Variants in CNKSR2 observed in about 807,000 individuals in gnomAD.
The protein encoded by CNKSR2 is CNK homolog protein 2.
Under a neutral mutation model 84.4 loss-of-function variants are expected in CNKSR2, and 14 were observed. The ratio of observed to expected loss-of-function variants is 0.17; its 90% CI spans 0.11 to 0.26. The LOEUF (loss-of-function observed/expected upper bound fraction) is 0.26, where lower values mean the gene tolerates loss of function less well. CNKSR2 is among the 10% of genes least tolerant of loss of function. The pLI is 1.00. For missense variants in CNKSR2, 485 were observed against 771.2 expected, an observed-to-expected ratio of 0.63 and a Z score of 4.40; for synonymous variants, 275 against 277.9, an observed-to-expected ratio of 0.99 and a Z score of 0.10.
chrX:21,525,381 A>G (rs1226655069), intron 9 of CNKSR2, among the ~76,000 whole-genome samples: 2 of 111,195 alleles, frequency 1.8e-5, no homozygotes, highest in Non-Finnish European at 3.8e-5. Flanking sequence ...ATAGCTTACA[A>G]TTCTTCAATT....
At chrX:21,565,173 TA>T (rs1273721070) in intron 13 of CNKSR2, among the ~76,000 whole-genome samples, 1 of 111,474 alleles carries the variant, frequency 9.0e-6, no homozygotes, top group Non-Finnish European at 1.9e-5. Context: ...TACAAATTAT[TA>T]AAAGTTTGGA....
intron 13 of CNKSR2, among the ~76,000 whole-genome samples, chrX:21,578,626 A>C (rs2092335046): frequency 9.3e-6 from 1 of 107,040 alleles, no homozygotes; most frequent in African/African-American, 3.4e-5. Context: ...CATACTAGCT[A>C]TTCTTAACTC....
At chrX:21,523,832 AT>A (rs2091808671) in intron 9 of CNKSR2, among the ~76,000 whole-genome samples, 1 of 110,218 alleles carries the variant, frequency 9.1e-6, no homozygotes, top group Non-Finnish European at 1.9e-5. Context: ...ATTTAGTCAA[AT>A]TTTTCTTGTC....
chrX:21,647,779 A>G (rs754824973), intron 20 of CNKSR2, among the ~76,000 whole-genome samples: 1 of 111,969 alleles, frequency 8.9e-6, no homozygotes, highest in Admixed American at 9.5e-5. Flanking sequence ...CAGAAAGCCT[A>G]AAATATTCAC....
chrX:21,603,400 A>G (rs185024274), intron 18 of CNKSR2, among the ~76,000 whole-genome samples: 14 of 112,180 alleles, frequency 1.2e-4, no homozygotes, highest in Admixed American at 1.2e-3. Context: ...GAGTAGAGTT[A>G]TATCTTCTGA....
intron 5 of CNKSR2, among the ~76,000 whole-genome samples, chrX:21,473,671 C>A (rs1171322234): frequency 5.7e-5 from 6 of 104,424 alleles, no homozygotes; most frequent in Non-Finnish European, 1.2e-4. Flanking sequence ...GCTTTATAAT[C>A]TGGTAGTTCT....
intron 1 of CNKSR2, among the ~76,000 whole-genome samples, chrX:21,392,937 T>C (rs1010707556): frequency 4.5e-5 from 5 of 111,426 alleles, no homozygotes; most frequent in Admixed American, 1.9e-4. Context: ...TGTGCCTTTC[T>C]GATTAAGATC....
intron 5 of CNKSR2, among the ~76,000 whole-genome samples, chrX:21,478,809 C>T (rs2091285461): frequency 9.0e-6 from 1 of 111,712 alleles, no homozygotes; most frequent in Non-Finnish European, 1.9e-5. Flanking sequence ...TCTTAGATGA[C>T]AAATTCACAA....
intron 1 of CNKSR2, among the ~76,000 whole-genome samples, chrX:21,421,106 C>A (rs182413612): frequency 8.1e-5 from 9 of 111,112 alleles, no homozygotes; most frequent in Admixed American, 1.9e-4. Flanking sequence ...GGTTTAAATG[C>A]TCCCTCTGTG....
At position 21,470,762 on chromosome X, in the gene CNKSR2, TC is replaced by T; in HGVS notation, c.520-3del. The T allele has an allele frequency of 1.0e-6, 1 of 974,933 alleles. No homozygotes were observed. The highest frequency in any genetic ancestry group is 1.4e-6 in the Non-Finnish European group (1 of 714,790). 80.3% of individuals were successfully genotyped at this position (974,933 alleles called of 1,213,427 possible). A position where few individuals can be genotyped will look rare whatever the true frequency, so the allele number is the denominator to read the frequency against. The stretch of plus-strand genomic sequence containing the variant: ...ATCTAATGTATATGGTTCTTTTTTT[TC>T]AGGATTGTACTGTATATGAAACAGA... On this transcript the variant is annotated splice_region_variant and splice_polypyrimidine_tract_variant and intron_variant, in intron 4 of 21. Coordinates refer to ENST00000379510, the MANE Select transcript of CNKSR2 (RefSeq NM_014927.5).
At chrX:21,490,719 G>A (rs771934128) in intron 6 of CNKSR2, 141 bp downstream of exon 6, 3 of 543,687 alleles carry the variant, frequency 5.5e-6, no homozygotes, top group Non-Finnish European at 7.8e-6. Flanking sequence ...AGGAGTTATG[G>A]TAGTGGAAGT....
intron 4 of CNKSR2, among the ~76,000 whole-genome samples, chrX:21,464,347 G>T (rs2091099955): frequency 8.9e-6 from 1 of 112,162 alleles, no homozygotes. Flanking sequence ...GGGGAAAGGG[G>T]GCATTGGCAA....
intron 4 of CNKSR2, among the ~76,000 whole-genome samples, chrX:21,468,341 A>G (rs1486138235): frequency 1.8e-5 from 2 of 111,567 alleles, no homozygotes; most frequent in Non-Finnish European, 3.8e-5. Flanking sequence ...TAATATTAAT[A>G]TAGCATCAAA....
At chrX:21,461,278 G>A (rs1190113996) in intron 4 of CNKSR2, among the ~76,000 whole-genome samples, 1 of 112,073 alleles carries the variant, frequency 8.9e-6, no homozygotes, top group Non-Finnish European at 1.9e-5. Flanking sequence ...TTTTTTTGAT[G>A]ATCAATGATG....
intron 10 of CNKSR2, among the ~76,000 whole-genome samples, chrX:21,529,114 G>C (rs1030119816): frequency 5.4e-5 from 6 of 110,752 alleles, no homozygotes; most frequent in Non-Finnish European, 1.1e-4. Flanking sequence ...GTTTGATTTG[G>C]ATGGCAAATA....
intron 9 of CNKSR2, 94 bp downstream of exon 9, chrX:21,516,725 G>A: frequency 1.3e-6 from 1 of 793,082 alleles, no homozygotes; most frequent in African/African-American, 2.1e-5. Flanking sequence ...AGCAGCATAT[G>A]GATTAATCTT....
At chrX:21,606,485 T>G in intron 18 of CNKSR2, 1 of 205,063 alleles carries the variant, frequency 4.9e-6, no homozygotes. Context: ...AAATCTGAGG[T>G]ACCCTAAACC....
intron 11 of CNKSR2, among the ~76,000 whole-genome samples, chrX:21,533,127 C>T (rs1219713345): frequency 4.5e-5 from 5 of 110,910 alleles, no homozygotes. Context: ...ATTCTCTGTA[C>T]ATGTGCTTTT....
chrX:21,610,572 C>T (rs2092545399), intron 20 of CNKSR2, among the ~76,000 whole-genome samples: 1 of 112,282 alleles, frequency 8.9e-6, no homozygotes. Context: ...GGCCAATTAG[C>T]GCAGATAACT....
Sources: allele counts gnomAD v4.1 joint callset (sites outside exome capture counted in the v4.1 genomes callset), GRCh38; gene constraint gnomAD v4.1.1; transcripts MANE v1.5; gene names NCBI Gene and HGNC (gene_info 2026-07-23, HGNC 2026-07-21).